PDZD7: variants seen among roughly 807,000 people sequenced by gnomAD.
PDZD7 encodes the protein PDZ domain-containing protein 7.
A neutral mutation model predicts 84.7 loss-of-function variants in PDZD7; 72 were observed. The observed-to-expected ratio is 0.85, with a 90% CI of 0.70 to 1.03. The LOEUF (loss-of-function observed/expected upper bound fraction) is 1.03, where lower values mean the gene tolerates loss of function less well. Ranked by LOEUF, PDZD7 falls within the 50% of genes least tolerant of loss-of-function variation. The probability of loss-of-function intolerance (pLI) is 0.00; values close to 1 mark genes in which losing one functional copy is unlikely to be tolerated. For missense variants in PDZD7, 1,490 were observed against 1,412.9 expected (o/e 1.05, Z -0.87); for synonymous variants, 594 against 580.7 (o/e 1.02, Z -0.33).
Position 101,020,672 on chromosome 10 carries a change from C to T in PDZD7, c.874G>A (p.Gly292Ser), listed in dbSNP as rs765091855. ...THIMLTIKET[G>S]RYPAYKEMVS... Reference sequence around the variant, plus strand: ...ATCTCCTTGTAGGCAGGATACCGGCCGGTCTCCTGGGGAGGGGATGGTGGG... The same window carrying T: ...ATCTCCTTGTAGGCAGGATACCGGCTGGTCTCCTGGGGAGGGGATGGTGGG... Residue 292 changes from glycine to serine, a missense_variant, in exon 7 of 17, where the codon GGC becomes AGC. Coordinates refer to ENST00000619208, the MANE Select transcript of PDZD7 (RefSeq NM_001195263.2). 6.1e-5 allele frequency: 99 copies of T among 1,613,614 alleles called. No individual in the cohort carries two copies. The highest frequency in any genetic ancestry group is 3.8e-4 in the South Asian group (35 of 91,082).
chr10:101,017,908 G>C, intron 9 of PDZD7, 191 bp downstream of exon 9: 1 of 417,748 alleles, frequency 2.4e-6, no homozygotes, highest in East Asian at 3.2e-5. Context: ...AAGAAAGAAA[G>C]AAAGAAAAGA....
At position 101,023,989 on chromosome 10, in the gene PDZD7, G is replaced by A. The variant is rs141305163; in HGVS notation, c.306C>T (p.Arg102=). 46 of 1,614,116 alleles carry A rather than the reference G, an allele frequency of 2.8e-5. No individual in the cohort carries two copies. The highest frequency in any genetic ancestry group is 1.3e-4 in the East Asian group (6 of 44,896). Reference sequence around the variant, plus strand: ...TGCCCAGGCCATGCTCTGAGCCCCCGCGCACGCTGAAGCCCAGCCTCCCTG... The same window carrying A: ...TGCCCAGGCCATGCTCTGAGCCCCCACGCACGCTGAAGCCCAGCCTCCCTG... ...SPAGRLGFSV[R]GGSEHGLGIF... is the part of the protein sequence containing the mutation. Residue 102 remains arginine, a synonymous_variant, in exon 3 of 17, where the codon CGC becomes CGT. Transcript: ENST00000619208.
intron 11 of PDZD7, among the ~76,000 whole-genome samples, 200 bp from the exon 12 acceptor site, chr10:101,012,458 C>G (rs868637881): frequency 2.6e-5 from 4 of 152,350 alleles, no homozygotes; most frequent in African/African-American, 9.6e-5. Flanking sequence ...GCAGTAATAA[C>G]AGACCTGCAA....
chr10:101,017,819 AAAGAAAGG>A (rs1564632046), intron 9 of PDZD7: 7 of 374,994 alleles, frequency 1.9e-5, no homozygotes, highest in African/African-American at 4.9e-5. Flanking sequence ...GAAAGAAAGG[AAAGAAAGG>A]AAGGAAGGAA....
At position 101,008,799 on chromosome 10, in the gene PDZD7, G is replaced by C; in HGVS notation, c.2770C>G (p.His924Asp). Residue 924 changes from histidine (H) to aspartate (D), a missense_variant, in exon 17 of 17, where the codon CAC becomes GAC. Physicochemically the swap from His to Asp is moderately conservative, Grantham distance 81 (BLOSUM62 -1). Transcript: ENST00000619208. ...VDGENLEQVTHQRAVDTIRRA... is the reference protein window; with the variant it reads ...VDGENLEQVTDQRAVDTIRRA... ...CGGATGGTGTCTACTGCACGCTGGT[G>C]GGTCACCTGCTCTAGATTCTCTCCG... 6.5e-7 allele frequency: 1 copy of C among 1,529,364 alleles called. No homozygotes were observed. Among genetic ancestry groups the C allele is most frequent in the African/African-American group, 1.4e-5 (1 of 72,920 alleles). 94.7% of individuals were successfully genotyped at this position (1,529,364 alleles called of 1,614,324 possible).
intron 2 of PDZD7, among the ~76,000 whole-genome samples, chr10:101,026,120 T>C (rs1564641884): frequency 1.3e-5 from 2 of 151,480 alleles, no homozygotes. Context: ...TCCTAAAGGT[T>C]GAACCTGTCG....
rs1277842963 is a variant in PDZD7, at chr10:101,007,695, T to C, written c.*772A>G. The C allele has an allele frequency of 3.9e-6, 4 of 1,029,418 alleles. No homozygotes were observed. The allele number at this position is 1,029,418 out of a possible 1,614,324, so 63.8% of individuals were successfully genotyped here. ...CCAAAGGAAGAACTCAGAAATGTCT[T>C]GTTTATTTGTGTTTGTGACCAAGCA... On this transcript the variant is annotated 3_prime_UTR_variant, in exon 17 of 17. Coordinates refer to ENST00000619208, the MANE Select transcript of PDZD7 (RefSeq NM_001195263.2).
intron 6 of PDZD7, among the ~76,000 whole-genome samples, chr10:101,021,081 A>T (rs1273630007): frequency 1.3e-5 from 2 of 152,150 alleles, no homozygotes; most frequent in African/African-American, 4.8e-5. Flanking sequence ...GGTGCTCAAA[A>T]ATATTGTTGA....
chr10:101,017,309 G>T, intron 9 of PDZD7: 1 of 309,950 alleles, frequency 3.2e-6, no homozygotes, highest in Non-Finnish European at 5.9e-6. Context: ...AGATGGAGGG[G>T]GACAGATGTC....
chr10:101,028,282 G>A (rs1042468290), intron 2 of PDZD7, among the ~76,000 whole-genome samples: 8 of 152,162 alleles, frequency 5.3e-5, no homozygotes, highest in African/African-American at 1.9e-4. Context: ...ACCCCTGGAA[G>A]AGGATCTTTA....
intron 12 of PDZD7, 22 bp from the exon 13 acceptor site, chr10:101,012,038 C>A: frequency 6.5e-7 from 1 of 1,546,088 alleles, no homozygotes; most frequent in Non-Finnish European, 8.7e-7. Context: ...CGAGAGACAG[C>A]AGGGGTGGGA....
chr10:101,015,709 G>A lies in PDZD7; in HGVS notation c.1676C>T (p.Pro559Leu). ...CCTCTGGGCCAGGTCCTGAATGAGGGGCCGCCGGCTCTCCCAGGCCTGAAC... is the reference window on the plus strand; with the variant it reads ...CCTCTGGGCCAGGTCCTGAATGAGGAGCCGCCGGCTCTCCCAGGCCTGAAC... ...EQVQAWESRRPLIQDLAQRLL... is the reference protein window; with the variant it reads ...EQVQAWESRRLLIQDLAQRLL... The change falls in exon 11 of 17, where the codon CCC (proline) becomes CTC (leucine). Residue 559 changes from proline to leucine, a missense_variant. Pro to Leu is a moderately conservative substitution (Grantham distance 98, BLOSUM62 -3). Transcript: ENST00000619208. The A allele has an allele frequency of 5.2e-6, 8 of 1,550,326 alleles. No individual in the cohort carries two copies. The highest frequency in any genetic ancestry group is 7.0e-6 in the Non-Finnish European group (8 of 1,146,948).
chr10:101,016,422 C>T lies in PDZD7; in HGVS notation c.1528G>A (p.Gly510Ser), dbSNP rs1212249355. ...ACAAACTTCTGTACCGGGCCCACGC[C>T]CCCTGCTATGAAGAAGAAAGAGGCT... Reference protein sequence around the residue: ...YPRLDIEKAGGVGPVQKFVTW... With the variant: ...YPRLDIEKAGSVGPVQKFVTW... Residue 510 changes from glycine to serine, a missense_variant, in exon 10 of 17, where the codon GGC (glycine) becomes AGC (serine). Physicochemically the swap from Gly to Ser is moderately conservative, Grantham distance 56. Coordinates refer to ENST00000619208, the MANE Select transcript of PDZD7 (RefSeq NM_001195263.2). The T allele has an allele frequency of 1.3e-6, 2 of 1,550,646 alleles. No individual in the cohort carries two copies. Among genetic ancestry groups the T allele is most frequent in the Admixed American group, 2.0e-5 (1 of 51,012 alleles).
chr10:101,030,801 G>T (rs941981943), intron 1 of PDZD7: 9 of 187,438 alleles, frequency 4.8e-5, no homozygotes, highest in Non-Finnish European at 9.2e-5. Flanking sequence ...GGGCGGGCTG[G>T]GCCTCGAGGA....
chr10:101,027,070 T>G (rs1937756043), intron 2 of PDZD7, among the ~76,000 whole-genome samples: 1 of 152,186 alleles, frequency 6.6e-6, no homozygotes, highest in Admixed American at 6.5e-5. Context: ...CCCGGCACTA[T>G]CCTTGCTTCC....
At position 101,010,648 on chromosome 10, in the gene PDZD7, C is replaced by T. The variant is rs1304057893; in HGVS notation, c.2241G>A (p.Arg747=). Residue 747 remains arginine, a synonymous_variant, in exon 15 of 17, where the codon CGG becomes CGA. Coordinates refer to ENST00000619208, the MANE Select transcript of PDZD7 (RefSeq NM_001195263.2). ...GGGGTTCTGTCAGCAGCCAGTTAGG[C>T]CGCAGGGGCCGGGGAGCCACGGGGG... ...QLPPVAPRPL[R]PNWLLTEPLS... is the part of the protein sequence containing the mutation. 3.3e-6 allele frequency: 5 copies of T among 1,507,894 alleles called. No individual in the cohort carries two copies. In the South Asian group the frequency reaches 6.2e-5, roughly 19 times the overall value. 93.4% of individuals were successfully genotyped at this position (1,507,894 alleles called of 1,614,324 possible).
intron 2 of PDZD7, among the ~76,000 whole-genome samples, chr10:101,025,282 TC>T (rs1246638355): frequency 6.6e-6 from 1 of 152,122 alleles, no homozygotes; most frequent in African/African-American, 2.4e-5. Context: ...CAATCTCGGT[TC>T]ACTGCAACTT....
intron 9 of PDZD7, chr10:101,017,345 C>T: frequency 5.0e-6 from 2 of 398,254 alleles, no homozygotes; most frequent in East Asian, 8.4e-5. Context: ...GATGTTTAGA[C>T]CCAGCTTAAA....
In PDZD7 at chr10:101,016,441, A is replaced by C. The variant is rs1019086121; in HGVS notation, c.1523-14T>G. 4 of 1,550,508 alleles carry C rather than the reference A, an allele frequency of 2.6e-6. No homozygotes were observed. The African/African-American group carries it at 5.5e-5, about 21-fold the overall frequency. On this transcript the variant is annotated splice_polypyrimidine_tract_variant and intron_variant, in intron 9 of 16. Coordinates refer to ENST00000619208, the MANE Select transcript of PDZD7 (RefSeq NM_001195263.2). Reference sequence around the variant, plus strand: ...CCACGCCCCCTGCTATGAAGAAGAAAGAGGCTCAGCTGCAGGCCTTGGCCC... The same window carrying C: ...CCACGCCCCCTGCTATGAAGAAGAACGAGGCTCAGCTGCAGGCCTTGGCCC...
Sources: allele counts gnomAD v4.1 joint callset (sites outside exome capture counted in the v4.1 genomes callset), GRCh38; gene constraint gnomAD v4.1.1; transcripts MANE v1.5; gene names NCBI Gene and HGNC (gene_info 2026-07-23, HGNC 2026-07-21).